The following TGM7 variants were observed in gnomAD, a reference collection of about 807,000 sequenced individuals.
TGM7 encodes protein-glutamine gamma-glutamyltransferase Z.
A neutral mutation model predicts 79.5 loss-of-function variants in TGM7; 74 were observed. That is an observed-to-expected ratio of 0.93 (90% CI 0.77 to 1.13). The LOEUF is 1.13. Among genes scored for constraint, TGM7 ranks in the 50% most tolerant of loss-of-function variants. TGM7 has a pLI of 0.00. For missense variants in TGM7, 912 were observed against 905.9 expected, an observed-to-expected ratio of 1.01 and a Z score of -0.09; for synonymous variants, 354 against 362.5, an observed-to-expected ratio of 0.98 and a Z score of 0.27.
chr15:43,290,447 A>G (rs1266037796), intron 4 of TGM7, among the ~76,000 whole-genome samples: 1 of 152,176 alleles, frequency 6.6e-6, no homozygotes, highest in Non-Finnish European at 1.5e-5. Context: ...TACCAGTACC[A>G]TGCTGTTTTG....
At chr15:43,302,199 A>C in intron 1 of TGM7, 42 bp downstream of exon 1, 1 of 1,613,734 alleles carries the variant, frequency 6.2e-7, no homozygotes, top group Non-Finnish European at 8.5e-7. Flanking sequence ...CCCTCTCTTG[A>C]CTTAGCACCT....
chr15:43,300,121 T>C (rs1287862621), intron 1 of TGM7, among the ~76,000 whole-genome samples: 1 of 152,220 alleles, frequency 6.6e-6, no homozygotes, highest in Non-Finnish European at 1.5e-5. Context: ...TACCCATTCT[T>C]CAAACAAAAC....
chr15:43,291,499 T>A (rs1219950444), intron 4 of TGM7, among the ~76,000 whole-genome samples: 1 of 152,276 alleles, frequency 6.6e-6, no homozygotes, highest in Non-Finnish European at 1.5e-5. Context: ...TTGTGCACGC[T>A]GAAATTTGAA....
At chr15:43,286,249 T>C (rs1443033398) in intron 6 of TGM7, among the ~76,000 whole-genome samples, 1 of 152,116 alleles carries the variant, frequency 6.6e-6, no homozygotes, top group African/African-American at 2.4e-5. Flanking sequence ...GCTCCCCCAG[T>C]GCGCAGTGGC....
In TGM7 at chr15:43,279,728, G is replaced by A. The variant is rs200510695; in HGVS notation, c.1575C>T (p.Ile525=). 1.4e-4 allele frequency: 223 copies of A among 1,613,854 alleles called. No homozygotes were observed. Among genetic ancestry groups the A allele is most frequent in the South Asian group, 3.3e-5 (3 of 91,092 alleles). The stretch of plus-strand genomic sequence containing the variant: ...GTGCACAGAAGCGCACCACCAGTCC[G>A]ATGGGCCCCCGAGGGTGGGTGCTGT... The part of the protein sequence containing the change: ...VPDSTHPRGP[I]GLVVRFCAQA... The change falls in exon 10 of 13, where the codon ATC becomes ATT. Residue 525 remains isoleucine (I), a synonymous_variant. Transcript: ENST00000452443.
At chr15:43,277,706 G>A (rs1008451322) in intron 11 of TGM7, among the ~76,000 whole-genome samples, 1 of 152,186 alleles carries the variant, frequency 6.6e-6, no homozygotes, top group African/African-American at 2.4e-5. Context: ...GAACAGTGCC[G>A]GCCAGATGAT....
At chr15:43,301,944 G>T (rs2043027374) in intron 1 of TGM7, among the ~76,000 whole-genome samples, 1 of 152,188 alleles carries the variant, frequency 6.6e-6, no homozygotes, top group Non-Finnish European at 1.5e-5. Flanking sequence ...GACACCTGGT[G>T]GCAGGGGCCA....
chr15:43,276,455 T>G lies in TGM7; in HGVS notation c.2133A>C (p.Ter711CysextTer33), dbSNP rs1036805446. 3.3e-5 allele frequency: 53 copies of G among 1,611,272 alleles called. No individual in the cohort carries two copies. Among genetic ancestry groups the G allele is most frequent in the Non-Finnish European group, 4.2e-5 (50 of 1,178,592 alleles). ...AGGGAGGGCAGCTGGAGGGCGGGTCTCAGGGAGCCCCAGCCACAGTGACGA... is the reference window on the plus strand; with the variant it reads ...AGGGAGGGCAGCTGGAGGGCGGGTCGCAGGGAGCCCCAGCCACAGTGACGA... ...DIFVTVAGAP[*>C] The change falls in exon 13 of 13, where the codon TGA becomes TGC. Residue 711 changes from the stop codon to cysteine (C), a stop_lost. Coordinates refer to ENST00000452443, the MANE Select transcript of TGM7 (RefSeq NM_052955.3).
chr15:43,286,219 T>C (rs1033443074), intron 6 of TGM7, among the ~76,000 whole-genome samples: 1 of 152,104 alleles, frequency 6.6e-6, no homozygotes. Context: ...GAAGTGGCCA[T>C]AGGAAGCTTG....
chr15:43,287,544 G>A lies in TGM7; in HGVS notation c.684C>T (p.Ala228=), dbSNP rs1485768624. 1 of 1,613,698 alleles carries A rather than the reference G, an allele frequency of 6.2e-7. No individual in the cohort carries two copies. The highest frequency in any genetic ancestry group is 2.2e-5 in the East Asian group (1 of 44,878). Residue 228 remains alanine (A), a synonymous_variant, in exon 5 of 13, where the codon GCC becomes GCT. Coordinates refer to ENST00000452443, the MANE Select transcript of TGM7 (RefSeq NM_052955.3). ...GGCGGGAAGCATCCATCCTTACCAT[G>A]GCACTCACCACCCTGCACACATACA... is the stretch of plus-strand genomic sequence containing the variant. ...DVVYVCRVVS[A]MINSNDDNGV... is the part of the protein sequence containing the mutation.
chr15:43,293,429 T>C lies in TGM7; in HGVS notation c.193+20A>G, dbSNP rs201860586. The C allele has an allele frequency of 3.4e-5, 53 of 1,577,842 alleles. No homozygotes were observed. In the African/African-American group the frequency reaches 5.0e-4, roughly 15 times the overall value. On this transcript the variant is annotated intron_variant, in intron 2 of 12. Transcript: ENST00000452443. Reference sequence around the variant, plus strand: ...TCATTTTGACGGAACCTGCGGGGCCTTGGGACAGGGCAAACTCACCGGTCT... The same window carrying C: ...TCATTTTGACGGAACCTGCGGGGCCCTGGGACAGGGCAAACTCACCGGTCT...
chr15:43,292,189 A>G (rs2142415562), intron 3 of TGM7, 92 bp from the exon 4 acceptor site: 1 of 859,048 alleles, frequency 1.2e-6, no homozygotes, highest in South Asian at 1.5e-5. Flanking sequence ...GTGTTTCTGG[A>G]AAACAGGAGG....
intron 6 of TGM7, among the ~76,000 whole-genome samples, chr15:43,285,388 T>C (rs919011834): frequency 1.3e-4 from 20 of 152,156 alleles, no homozygotes; most frequent in African/African-American, 4.6e-4. Context: ...AAAAAAAAAT[T>C]AGCTGGGTGT....
chr15:43,276,954 A>G lies in TGM7; in HGVS notation c.1881T>C (p.His627=). The change falls in exon 12 of 13, where the codon CAT becomes CAC. Residue 627 remains histidine (H), a synonymous_variant. Transcript: ENST00000452443. ...CCATTAAGGTGTTGGTGAGGGTGAC[A>G]TGGACTCTCAGCGCCTTGCCCACCT... ...RAEVGKALRV[H]VTLTNTLMVA... The G allele has an allele frequency of 1.2e-6, 2 of 1,614,098 alleles. No homozygotes were observed. Among genetic ancestry groups the G allele is most frequent in the Non-Finnish European group, 1.7e-6 (2 of 1,180,000 alleles).
intron 11 of TGM7, among the ~76,000 whole-genome samples, chr15:43,277,714 G>C (rs1457323890): frequency 6.6e-6 from 1 of 152,206 alleles, no homozygotes. Context: ...CCGGCCAGAT[G>C]ATGGATATCA....
chr15:43,291,246 C>T lies in TGM7; in HGVS notation c.558+733G>A, dbSNP rs988726985. Among the ~76,000 whole-genome samples the T allele has an allele frequency of 5.3e-4, 81 of 152,288 alleles. 1 individual carries two copies. The highest frequency in any genetic ancestry group is 1.0e-3 in the Non-Finnish European group (70 of 68,028). ...ATTTTGAGATATGTCCCATCAATAC[C>T]TAATTTATTGAGAGTTTTTAGCATG... On this transcript the variant is annotated intron_variant, in intron 4 of 12. Coordinates refer to ENST00000452443, the MANE Select transcript of TGM7 (RefSeq NM_052955.3).
chr15:43,284,882 G>T lies in TGM7; in HGVS notation c.936C>A (p.Asn312Lys). The T allele has an allele frequency of 6.2e-7, 1 of 1,614,188 alleles. No individual in the cohort carries two copies. Among genetic ancestry groups the T allele is most frequent in the Non-Finnish European group, 8.5e-7 (1 of 1,180,022 alleles). The stretch of plus-strand genomic sequence containing the variant: ...GGTCATAGTACGTATCGATGGTCAA[G>T]TTCCTATCCACGTTGTGCGCGGAAC... ...NFRSAHNVDR[N>K]LTIDTYYDRN... Residue 312 changes from asparagine to lysine, a missense_variant, in exon 7 of 13, where the codon AAC (asparagine) becomes AAA (lysine). Transcript: ENST00000452443.
rs898314534 is a variant in TGM7, at chr15:43,287,528, C to T, written c.687+13G>A. The stretch of plus-strand genomic sequence containing the variant: ...CAGACTGTCCTCAGACGGCGGGAAG[C>T]ATCCATCCTTACCATGGCACTCACC... On this transcript the variant is annotated intron_variant, in intron 5 of 12. Transcript: ENST00000452443. The T allele has an allele frequency of 4.0e-5, 64 of 1,613,150 alleles. No homozygotes were observed. The highest frequency in any genetic ancestry group is 5.3e-5 in the Non-Finnish European group (62 of 1,179,496).
chr15:43,283,354 G>A (rs138675365), intron 7 of TGM7, among the ~76,000 whole-genome samples: 2,510 of 152,302 alleles, frequency 0.016, 36 homozygotes, highest in South Asian at 0.025. Flanking sequence ...ACGCGATGCC[G>A]TCTGTGATCA....
Sources: allele counts gnomAD v4.1 joint callset (sites outside exome capture counted in the v4.1 genomes callset), GRCh38; gene constraint gnomAD v4.1.1; transcripts MANE v1.5; gene names NCBI Gene and HGNC (gene_info 2026-07-23, HGNC 2026-07-21).